The following MYH13 variants were observed in gnomAD, a reference collection of about 807,000 sequenced individuals.
The protein encoded by MYH13 is myosin-13.
MYH13 carries 177 observed loss-of-function variants against 232.1 expected under a neutral mutation model. The ratio of observed to expected loss-of-function variants is 0.76; its 90% confidence interval spans 0.67 to 0.86. The LOEUF (loss-of-function observed/expected upper bound fraction) is 0.86. MYH13 is among the 40% of genes least tolerant of loss of function. The pLI is 0.00. For synonymous variants in MYH13, 884 were observed against 923.5 expected (o/e 0.96, Z 0.78); for missense variants, 2,246 against 2,405.9 (o/e 0.93, Z 1.39).
Position 10,306,901 on chromosome 17 carries a change from TCCAAACC to T in MYH13, c.5295+31_5295+37del, listed in dbSNP as rs1567654850. 2.6e-5 allele frequency: 42 copies of T among 1,611,126 alleles called. No individual in the cohort carries two copies. The highest frequency in any genetic ancestry group is 3.4e-5 in the Non-Finnish European group (40 of 1,179,848). The stretch of plus-strand genomic sequence containing the variant: ...GGCTCAGAGGCCCCACTTTCTCAGT[TCCAAACC>T]CCATCTCTGAAAAGGAAGAACAGAG... On this transcript the variant is annotated intron_variant, in intron 36 of 40. Transcript: ENST00000252172. The surrounding 1 kb of genome is among the most constrained non-coding windows in gnomAD (Gnocchi z 4.3).
chr17:10,342,988 G>C (rs9897941), intron 16 of MYH13, among the ~76,000 whole-genome samples: 117,663 of 151,140 alleles, frequency 0.78, 46,309 homozygotes, highest in East Asian at 0.88. Flanking sequence ...TACTTGGGAG[G>C]CTGAGGCAGG....
rs747717096 is a variant in MYH13, at chr17:10,312,740, C to T, written c.4199G>A (p.Arg1400Lys). 6.8e-6 allele frequency: 11 copies of T among 1,607,814 alleles called. No homozygotes were observed. In the South Asian group the frequency reaches 9.0e-5, roughly 13 times the overall value. ...LEEAKKKLAQ[R>K]LQEAEENTET... ...CGTGTTCTCCTCTGCTTCCTGGAGC[C>T]TCTGGGCCAGTTTTTTCCTACGAAA... Residue 1400 changes from arginine (R) to lysine (K), a missense_variant, in exon 31 of 41, where the codon AGG becomes AAG. Arg to Lys is a conservative substitution (Grantham distance 26). Transcript: ENST00000252172.
intron 5 of MYH13, among the ~76,000 whole-genome samples, chr17:10,361,494 A>T (rs1226812841): frequency 1.4e-4 from 22 of 152,050 alleles, no homozygotes. Context: ...GGGTTTCATC[A>T]TGTTGGCCAG....
rs763672304 is a variant in MYH13, at chr17:10,309,231, C to T, written c.5169+3G>A. On this transcript the variant is annotated splice_donor_region_variant and intron_variant, in intron 35 of 40. Coordinates refer to ENST00000252172, the MANE Select transcript of MYH13 (RefSeq NM_003802.3). ...TTCAGCGGAGGAGTGAGGGCCGACG[C>T]ACCTGGGAGTGCAGGAGCTGCACGC... 1.9e-6 allele frequency: 3 copies of T among 1,612,510 alleles called. No homozygotes were observed. The highest frequency in any genetic ancestry group is 2.5e-6 in the Non-Finnish European group (3 of 1,179,602).
rs1459091144 is a variant in MYH13 at position 10,309,317 on chromosome 17, G to A, written c.5086C>T (p.Leu1696=). The A allele has an allele frequency of 6.2e-7, 1 of 1,613,966 alleles. No individual in the cohort carries two copies. The highest frequency in any genetic ancestry group is 1.1e-5 in the South Asian group (1 of 91,082). ...LEELEEMKVA[L]EQTERTRRLS... ...CTGCGGGTCCGCTCCGTCTGTTCCA[G>A]GGCCACCTTCATTTCCTCCAGCTCC... Residue 1696 remains leucine (L), a synonymous_variant, in exon 35 of 41, where the codon CTG becomes TTG. Transcript: ENST00000252172.
chr17:10,363,660 G>A (rs938283620), intron 3 of MYH13, among the ~76,000 whole-genome samples: 1 of 152,178 alleles, frequency 6.6e-6, no homozygotes, highest in Admixed American at 6.5e-5. Context: ...TTCTGAAAAT[G>A]TGACATATTC....
Position 10,303,378 on chromosome 17 carries a change from T to C in MYH13, c.5571+16A>G. 1 of 1,612,732 alleles carries C rather than the reference T, an allele frequency of 6.2e-7. No homozygotes were observed. The highest frequency in any genetic ancestry group is 1.1e-5 in the South Asian group (1 of 91,028). On this transcript the variant is annotated intron_variant, in intron 38 of 40. Coordinates refer to ENST00000252172, the MANE Select transcript of MYH13 (RefSeq NM_003802.3). ...GTCCATACAGCATTCACTGAGGAGG[T>C]TTTTGGGACCCCTACCTGGTAAGTC...
rs755692041 is a variant in MYH13, at chr17:10,304,439, G to C, written c.5467-941C>G. 1.1e-4 allele frequency among the ~76,000 whole-genome samples: 17 copies of C among 152,226 alleles called. No homozygotes were observed. The highest frequency in any genetic ancestry group is 1.9e-4 in the Non-Finnish European group (13 of 68,040). ...CTGGTGGGTCAGGATTTGCTTAGAT[G>C]CTCCCTTTTGTGGAGCCAGGTCGTT... is the stretch of plus-strand genomic sequence containing the variant. On this transcript the variant is annotated intron_variant, in intron 37 of 40. Transcript: ENST00000252172. This position sits in a 1 kb window ranked among gnomAD's most constrained non-coding sequence, Gnocchi z 5.3.
At position 10,316,015 on chromosome 17, in the gene MYH13, T is replaced by C. The variant is rs1906698857; in HGVS notation, c.3749A>G (p.Glu1250Gly). ...EALSKSKSNI[E>G]RTCRTVEDQF... is the part of the protein sequence containing the mutation. ...ATCTTCTACCGTCCGGCACGTTCTT[T>C]CTATGTTACTCTTTAACAAACAGAA... Residue 1250 changes from glutamate (E) to glycine (G), a missense_variant, in exon 28 of 41, where the codon GAA (glutamate) becomes GGA (glycine). By Grantham distance (98) the Glu-to-Gly change is moderately conservative. Transcript: ENST00000252172. The C allele has an allele frequency of 1.2e-6, 2 of 1,614,042 alleles. No homozygotes were observed. The highest frequency in any genetic ancestry group is 2.2e-5 in the East Asian group (1 of 44,892).
chr17:10,362,072 T>A, intron 5 of MYH13, 46 bp downstream of exon 5: 1 of 1,612,540 alleles, frequency 6.2e-7, no homozygotes. Context: ...CTTGAAAAAT[T>A]AACTAAGGAT....
At chr17:10,351,641 A>G (rs2071711563) in intron 11 of MYH13, among the ~76,000 whole-genome samples, 1 of 152,170 alleles carries the variant, frequency 6.6e-6, no homozygotes. Context: ...CTAGTTGGTA[A>G]GTAGCCTGTC....
intron 23 of MYH13, among the ~76,000 whole-genome samples, chr17:10,322,710 T>G (rs1388299970): frequency 7.1e-6 from 1 of 140,574 alleles, no homozygotes; most frequent in African/African-American, 2.6e-5. Context: ...CTCAGCTCAC[T>G]GCAAGCTCCG....
At chr17:10,315,650 T>C (rs762526319) in intron 29 of MYH13, 43 bp downstream of exon 29, 3 of 1,561,160 alleles carry the variant, frequency 1.9e-6, no homozygotes, top group Admixed American at 1.8e-5. Flanking sequence ...GAAGTGGTCA[T>C]ATAGCCTGGC....
intron 1 of MYH13, among the ~76,000 whole-genome samples, chr17:10,372,033 A>T (rs181903656): frequency 3.9e-5 from 6 of 152,298 alleles, no homozygotes; most frequent in Admixed American, 3.9e-4. Context: ...GGAATATTTC[A>T]TGAAGCCCTA....
In MYH13 at chr17:10,315,830, C is replaced by A. The variant is rs747181307; in HGVS notation, c.3866-19G>T. 1.9e-6 allele frequency: 3 copies of A among 1,613,922 alleles called. No individual in the cohort carries two copies. Among genetic ancestry groups the A allele is most frequent in the Non-Finnish European group, 2.5e-6 (3 of 1,179,860 alleles). On this transcript the variant is annotated intron_variant, in intron 28 of 40. Transcript: ENST00000252172. The stretch of plus-strand genomic sequence containing the variant: ...AGCTCCCCTACCAAACAGATGTGGC[C>A]CCCACGTCAGTGTTACTGACCACCC...
chr17:10,315,485 G>A lies in MYH13; in HGVS notation c.3984+208C>T, dbSNP rs189915645. On this transcript the variant is annotated intron_variant, in intron 29 of 40. Transcript: ENST00000252172. ...TTTTTTTTGTATTTTTAGTGGAGAC[G>A]GGGTTTCGCCATCTTGGCCAGGCTG... 8.8e-3 allele frequency among the ~76,000 whole-genome samples: 1,334 copies of A among 152,138 alleles called. 18 individuals carry two copies. The highest frequency in any genetic ancestry group is 8.2e-3 in the Non-Finnish European group (555 of 67,984).
chr17:10,318,643 T>C (rs1254611966), intron 27 of MYH13, 147 bp downstream of exon 27: 4 of 1,064,820 alleles, frequency 3.8e-6, no homozygotes, highest in East Asian at 2.5e-5. Flanking sequence ...GTGAGTAAAT[T>C]TGAGGAACTA....
At chr17:10,307,741 G>T (rs941812030) in intron 35 of MYH13, among the ~76,000 whole-genome samples, 5 of 152,024 alleles carry the variant, frequency 3.3e-5, no homozygotes, top group African/African-American at 1.2e-4. Context: ...AATAAAAATT[G>T]GGACAACCTT....
chr17:10,353,130 CA>C (rs1202216170), intron 11 of MYH13, among the ~76,000 whole-genome samples: 1 of 152,186 alleles, frequency 6.6e-6, no homozygotes, highest in Non-Finnish European at 1.5e-5. Flanking sequence ...TGTACCTAAT[CA>C]AGCTGTTTCT....
Sources: allele counts gnomAD v4.1 joint callset (sites outside exome capture counted in the v4.1 genomes callset), GRCh38; gene constraint gnomAD v4.1.1; non-coding constraint Gnocchi (gnomAD v3.1); transcripts MANE v1.5; gene names NCBI Gene and HGNC (gene_info 2026-07-23, HGNC 2026-07-21).